Variants in DIP2A observed in about 807,000 individuals in gnomAD.
DIP2A encodes the protein DIP2 acetate--CoA ligase A.
A neutral mutation model predicts 177.4 loss-of-function variants in DIP2A; 85 were observed. That is an observed-to-expected ratio of 0.48 (90% CI 0.40 to 0.57). The LOEUF is 0.57. Among genes scored for constraint, DIP2A ranks in the 20% least tolerant of loss-of-function variants. The pLI, the probability that DIP2A is intolerant of heterozygous loss-of-function variation, is 0.00. For synonymous variants in DIP2A, 886 were observed against 881.8 expected, an observed-to-expected ratio of 1.00 and a Z score of -0.08; for missense variants, 1,791 against 2,100.2, an observed-to-expected ratio of 0.85 and a Z score of 2.88.
chr21:46,511,986 C>T (rs1384999191), intron 8 of DIP2A, among the ~76,000 whole-genome samples: 1 of 151,918 alleles, frequency 6.6e-6, no homozygotes, highest in Non-Finnish European at 1.5e-5. Context: ...ATATATACAA[C>T]CTGATGAATT....
At chr21:46,528,549 T>TAAGA (rs1569043167) in intron 8 of DIP2A, among the ~76,000 whole-genome samples, 18 of 124,874 alleles carry the variant, frequency 1.4e-4, no homozygotes, top group Non-Finnish European at 2.3e-4. Flanking sequence ...TTTTTTTTTT[T>TAAGA]TTTTTTTTTT....
rs772337974 is a variant in DIP2A at position 46,534,013 on chromosome 21, C to G, written c.1439C>G (p.Pro480Arg). The change falls in exon 12 of 38, where the codon CCG becomes CGG. Residue 480 changes from proline (P) to arginine (R), a missense_variant. Pro to Arg is a moderately radical substitution (Grantham distance 103, BLOSUM62 -2). Coordinates refer to ENST00000417564, the MANE Select transcript of DIP2A (RefSeq NM_015151.4). ...TGTCTGTGTGTCACAGGTTGGCCCCCGCTCTCCTGGCTAGTGATTGATGGG... is the reference window on the plus strand; with the variant it reads ...TGTCTGTGTGTCACAGGTTGGCCCCGGCTCTCCTGGCTAGTGATTGATGGG... ...GEVAAFKGWPPLSWLVIDGKH... is the reference protein window; with the variant it reads ...GEVAAFKGWPRLSWLVIDGKH... 1.2e-6 allele frequency: 2 copies of G among 1,613,144 alleles called. No individual in the cohort carries two copies. Among genetic ancestry groups the G allele is most frequent in the South Asian group, 1.1e-5 (1 of 90,882 alleles).
intron 23 of DIP2A, 131 bp downstream of exon 23, chr21:46,550,875 G>A: frequency 2.1e-6 from 2 of 944,910 alleles, no homozygotes; most frequent in Non-Finnish European, 3.2e-6. Context: ...TCAAGAGCCA[G>A]AGCGAGTGTG....
At chr21:46,464,412 T>C (rs2054611929) in intron 1 of DIP2A, among the ~76,000 whole-genome samples, 1 of 152,144 alleles carries the variant, frequency 6.6e-6, no homozygotes, top group South Asian at 2.1e-4. Context: ...AAAAACGTTC[T>C]CATGTTCAGA....
At position 46,554,285 on chromosome 21, in the gene DIP2A, C is replaced by G; in HGVS notation, c.3147C>G (p.Tyr1049Ter). ...LSVGDHVALV[Y>*]PPGVDLIAAF... ...TTGGGGACCATGTGGCTCTGGTCTA[C>G]CCACCAGGTGGGCTCACTGTGGGGC... The change falls in exon 26 of 38, where the codon TAC becomes TAG. Residue 1049 changes from tyrosine (Y) to a stop codon, truncating the protein, a stop_gained. Coordinates refer to ENST00000417564, the MANE Select transcript of DIP2A (RefSeq NM_015151.4). LOFTEE classifies it high-confidence loss of function. The G allele has an allele frequency of 6.2e-7, 1 of 1,613,780 alleles. No individual in the cohort carries two copies. Among genetic ancestry groups the G allele is most frequent in the Non-Finnish European group, 8.5e-7 (1 of 1,179,770 alleles).
At chr21:46,538,624 G>A (rs1166160819) in intron 16 of DIP2A, 22 bp downstream of exon 16, 2 of 1,545,274 alleles carry the variant, frequency 1.3e-6, no homozygotes, top group African/African-American at 1.4e-5. Context: ...TGTGTGCCCG[G>A]CGCATACCCC....
In DIP2A at chr21:46,459,110, C is replaced by A; in HGVS notation, c.-22C>A. 1 of 1,473,040 alleles carries A rather than the reference C, an allele frequency of 6.8e-7. No individual in the cohort carries two copies. 91.2% of individuals were successfully genotyped at this position (1,473,040 alleles called of 1,614,324 possible). A position where few individuals can be genotyped will look rare whatever the true frequency, so the allele number is the denominator to read the frequency against. ...GGCCCGGTCCGGTTCCAGCCTCTGC[C>A]CGGACGCTAGCCGGCCTGGCCATGG... On this transcript the variant is annotated 5_prime_UTR_variant, in exon 1 of 38. Coordinates refer to ENST00000417564, the MANE Select transcript of DIP2A (RefSeq NM_015151.4).
chr21:46,561,862 C>G, intron 34 of DIP2A, 57 bp downstream of exon 34: 1 of 1,607,178 alleles, frequency 6.2e-7, no homozygotes, highest in Non-Finnish European at 8.5e-7. Flanking sequence ...TTGTCTGAAG[C>G]ATCACCCCGT....
At chr21:46,543,408 C>T (rs577006230) in intron 18 of DIP2A, among the ~76,000 whole-genome samples, 3 of 152,324 alleles carry the variant, frequency 2.0e-5, no homozygotes, top group African/African-American at 4.8e-5. Context: ...ACAGCGCTCC[C>T]GTAGGCGTGC....
intron 7 of DIP2A, 146 bp from the exon 8 acceptor site, chr21:46,511,271 C>T: frequency 1.2e-6 from 1 of 836,998 alleles, no homozygotes. Flanking sequence ...TTGTCGGTGA[C>T]TGTGATGCAA....
chr21:46,461,406 G>T (rs2054302923), intron 1 of DIP2A, among the ~76,000 whole-genome samples: 1 of 151,880 alleles, frequency 6.6e-6, no homozygotes, highest in African/African-American at 2.4e-5. Context: ...ATTTGTTAAG[G>T]CTCTTTAGGG....
In DIP2A at chr21:46,519,855, A is replaced by ATTTTTTTTTTTTTTTTTTTT. The variant is rs59574579; in HGVS notation, c.1102+8259_1102+8278dup. 5.7e-5 allele frequency among the ~76,000 whole-genome samples: 3 copies of ATTTTTTTTTTTTTTTTTTTT among 53,018 alleles called. 1 individual carries two copies. Among genetic ancestry groups the ATTTTTTTTTTTTTTTTTTTT allele is most frequent in the African/African-American group, 8.7e-5 (1 of 11,478 alleles). The allele number at this position is 53,018 out of a possible 152,430, so 34.8% of individuals were successfully genotyped here. A position where few individuals can be genotyped will look rare whatever the true frequency, so the allele number is the denominator to read the frequency against. ...GCCCAGAATTAGAATATTGATCTAGATTTTTTTTTTTTTTTTTTTTTTTTT... is the reference window on the plus strand; with the variant it reads ...GCCCAGAATTAGAATATTGATCTAGATTTTTTTTTTTTTTTTTTTTTTTTTTTTTTTTTTTTTTTTTTTTT... On this transcript the variant is annotated intron_variant, in intron 8 of 37. Coordinates refer to ENST00000417564, the MANE Select transcript of DIP2A (RefSeq NM_015151.4).
rs529051419 is a variant in DIP2A, at chr21:46,467,355, T to TTTTG, written c.91+8157_91+8160dup. ...TATTTAAAAAATTTCACAGTATTAG[T>TTTTG]TTTGTTTGTTTGTTTGTTTGTTTGT... is the stretch of plus-strand genomic sequence containing the variant. On this transcript the variant is annotated intron_variant, in intron 1 of 37. Coordinates refer to ENST00000417564, the MANE Select transcript of DIP2A (RefSeq NM_015151.4). 6.3e-3 allele frequency among the ~76,000 whole-genome samples: 949 copies of TTTTG among 151,406 alleles called. 8 individuals carry two copies. Among genetic ancestry groups the TTTTG allele is most frequent in the Middle Eastern group, 0.021 (6 of 290 alleles).
intron 35 of DIP2A, among the ~76,000 whole-genome samples, chr21:46,564,986 G>A (rs1355363098): frequency 6.6e-6 from 1 of 152,200 alleles, no homozygotes; most frequent in Non-Finnish European, 1.5e-5. Context: ...CAAGGGAAAC[G>A]CCCCTATTGG....
intron 32 of DIP2A, among the ~76,000 whole-genome samples, chr21:46,559,263 A>T (rs28636904): frequency 0.46 from 69,612 of 152,028 alleles, 16,226 homozygotes; most frequent in Non-Finnish European, 0.49. Context: ...TTAAAACCAA[A>T]TGGCTTTTTA....
chr21:46,583,483 A>G, the DIP2A span, among the ~76,000 whole-genome samples: 7 of 152,334 alleles, frequency 4.6e-5, no homozygotes, highest in East Asian at 1.3e-3. Flanking sequence ...TCTAAATTTA[A>G]AAGGATATAA....
chr21:46,492,653 G>C (rs977454890), intron 3 of DIP2A, among the ~76,000 whole-genome samples: 5 of 152,162 alleles, frequency 3.3e-5, no homozygotes, highest in Non-Finnish European at 7.4e-5. Context: ...CTCACGGTGG[G>C]ATCGGTGCCC....
intron 11 of DIP2A, 79 bp downstream of exon 11, chr21:46,533,726 A>C: frequency 6.3e-7 from 1 of 1,581,156 alleles, no homozygotes; most frequent in Non-Finnish European, 8.6e-7. Context: ...GAAATTAAAC[A>C]TGACAGAGGT....
At chr21:46,492,333 C>A (rs946091457) in intron 3 of DIP2A, among the ~76,000 whole-genome samples, 1 of 152,152 alleles carries the variant, frequency 6.6e-6, no homozygotes, top group African/African-American at 2.4e-5. Context: ...ACTCTCTGTT[C>A]TGTTCTATTG....
Sources: allele counts gnomAD v4.1 joint callset (sites outside exome capture counted in the v4.1 genomes callset), GRCh38; gene constraint gnomAD v4.1.1; transcripts MANE v1.5; gene names NCBI Gene and HGNC (gene_info 2026-07-23, HGNC 2026-07-21).